FNDC3B: variants seen among roughly 807,000 people sequenced by gnomAD.
FNDC3B encodes fibronectin type III domain-containing protein 3B.
In FNDC3B, 12 loss-of-function variants were observed where a neutral mutation model predicts 151.5. That is an observed-to-expected ratio of 0.08 (90% CI 0.05 to 0.13). FNDC3B has a LOEUF of 0.13. Among genes scored for constraint, FNDC3B ranks in the 10% least tolerant of loss-of-function variants. The pLI is 1.00. For missense variants in FNDC3B, 1,214 were observed against 1,505.3 expected, an observed-to-expected ratio of 0.81 and a Z score of 3.20; for synonymous variants, 528 against 549.0, an observed-to-expected ratio of 0.96 and a Z score of 0.54.
chr3:172,260,043 T>C (rs1052808242), intron 6 of FNDC3B, among the ~76,000 whole-genome samples: 8 of 152,256 alleles, frequency 5.3e-5, no homozygotes, highest in Middle Eastern at 3.2e-3. Context: ...TAAACCCATG[T>C]TATTTTCTCT....
At chr3:172,237,271 G>A (rs1485580574) in intron 4 of FNDC3B, 1 of 152,250 alleles carries the variant, frequency 6.6e-6, no homozygotes, top group East Asian at 1.9e-4. Context: ...TCTCCCCTCA[G>A]TCTGTACCTT....
chr3:172,047,255 G>A (rs1227042106), intron 1 of FNDC3B, among the ~76,000 whole-genome samples: 1 of 152,110 alleles, frequency 6.6e-6, no homozygotes, highest in Non-Finnish European at 1.5e-5. Context: ...AAGATCCCAG[G>A]AAATATAATG....
At chr3:172,057,576 A>G (rs1334495657) in intron 1 of FNDC3B, among the ~76,000 whole-genome samples, 2 of 152,222 alleles carry the variant, frequency 1.3e-5, no homozygotes, top group Non-Finnish European at 2.9e-5. Context: ...TTTTCTAGAC[A>G]TAAACACAGT....
chr3:172,105,777 A>G (rs1208706018), intron 1 of FNDC3B, among the ~76,000 whole-genome samples: 1 of 152,062 alleles, frequency 6.6e-6, no homozygotes, highest in Non-Finnish European at 1.5e-5. Flanking sequence ...TCTCTGCTGT[A>G]TTTTCTGAAA....
At chr3:172,241,505 G>A (rs1727487354) in intron 4 of FNDC3B, among the ~76,000 whole-genome samples, 1 of 152,026 alleles carries the variant, frequency 6.6e-6, no homozygotes, top group African/African-American at 2.4e-5. Flanking sequence ...GGCTTGGGAT[G>A]CCTCACAATC....
intron 23 of FNDC3B, among the ~76,000 whole-genome samples, chr3:172,366,845 GA>G (rs1734647390): frequency 6.6e-6 from 1 of 152,210 alleles, no homozygotes; most frequent in East Asian, 1.9e-4. Flanking sequence ...GACTAGTGAT[GA>G]AGACTTGAGA....
intron 3 of FNDC3B, among the ~76,000 whole-genome samples, chr3:172,135,415 G>T (rs947611444): frequency 4.6e-5 from 7 of 152,180 alleles, no homozygotes; most frequent in Non-Finnish European, 8.8e-5. Flanking sequence ...CACAAAGGGA[G>T]CTTTGTATTT....
intron 3 of FNDC3B, among the ~76,000 whole-genome samples, chr3:172,160,218 CTCTGTTCATAGA>C (rs1722700657): frequency 6.6e-6 from 1 of 152,204 alleles, no homozygotes; most frequent in Non-Finnish European, 1.5e-5. Flanking sequence ...GAATAGGAAC[CTCTGTTCATAGA>C]CCTTTGCCTG....
At chr3:172,169,792 A>C (rs1559999039) in intron 3 of FNDC3B, among the ~76,000 whole-genome samples, 2 of 152,240 alleles carry the variant, frequency 1.3e-5, no homozygotes. Flanking sequence ...TCCCCATTCC[A>C]AAAGCTGACT....
At chr3:172,207,455 A>C (rs1465658012) in intron 3 of FNDC3B, among the ~76,000 whole-genome samples, 1 of 152,018 alleles carries the variant, frequency 6.6e-6, no homozygotes, top group African/African-American at 2.4e-5. Context: ...CTTGTGCTTC[A>C]CTCTGTGTTT....
intron 1 of FNDC3B, among the ~76,000 whole-genome samples, chr3:172,041,186 C>T (rs762920335): frequency 1.4e-4 from 21 of 152,158 alleles, no homozygotes; most frequent in Non-Finnish European, 2.5e-4. Context: ...CCCCCTCTTC[C>T]CTCCCAGGCT....
At position 172,134,840 on chromosome 3, in the gene FNDC3B, G is replaced by A. The variant is rs141641350; in HGVS notation, c.187+1294G>A. Among the ~76,000 whole-genome samples the A allele has an allele frequency of 3.4e-3, 517 of 152,078 alleles. 1 individual carries two copies. The highest frequency in any genetic ancestry group is 0.011 in the African/African-American group (471 of 41,502). On this transcript the variant is annotated intron_variant, in intron 3 of 25. Coordinates refer to ENST00000415807, the MANE Select transcript of FNDC3B (RefSeq NM_022763.4). ...TTAAAATCAAAACCTAGTCTTAGTC[G>A]ATGCACAATATGGGGAAACTTCAGG...
rs1228315279 is a variant in FNDC3B, at chr3:172,333,301, TA to T, written c.1641+128del. 9.0e-6 allele frequency: 6 copies of T among 668,848 alleles called. No individual in the cohort carries two copies. The East Asian group carries it at 1.6e-4, about 18-fold the overall frequency. The allele number at this position is 668,848 out of a possible 1,614,324, so 41.4% of individuals were successfully genotyped here. A position where few individuals can be genotyped will look rare whatever the true frequency, so the allele number is the denominator to read the frequency against. Reference sequence around the variant, plus strand: ...TTCACAGCACTTTACATTTTGAAAGTAACATTTATAAAGTGTACAACATGCT... The same window carrying T: ...TTCACAGCACTTTACATTTTGAAAGTACATTTATAAAGTGTACAACATGCT... On this transcript the variant is annotated intron_variant, in intron 14 of 25. Transcript: ENST00000415807.
At position 172,362,611 on chromosome 3, in the gene FNDC3B, A is replaced by G. The variant is rs760349394; in HGVS notation, c.2796-22A>G. Reference sequence around the variant, plus strand: ...TGCTGCTTTAACCTGCATTGTCTGTATTTTTTTTTTCCTTTCTCTAGGATC... The same window carrying G: ...TGCTGCTTTAACCTGCATTGTCTGTGTTTTTTTTTTCCTTTCTCTAGGATC... On this transcript the variant is annotated intron_variant, in intron 22 of 25. Transcript: ENST00000415807. 8.7e-5 allele frequency: 125 copies of G among 1,439,900 alleles called. 2 individuals are homozygous for G. In the South Asian group the frequency reaches 1.2e-3, roughly 14 times the overall value. 89.2% of individuals were successfully genotyped at this position (1,439,900 alleles called of 1,614,324 possible).
At chr3:172,322,370 T>C (rs535536865) in intron 11 of FNDC3B, among the ~76,000 whole-genome samples, 278 of 152,328 alleles carry the variant, frequency 1.8e-3, no homozygotes, top group Middle Eastern at 3.4e-3. Flanking sequence ...AGTTAGAAGC[T>C]GTAACACCTT....
At chr3:172,102,097 C>T (rs1455301888) in intron 1 of FNDC3B, among the ~76,000 whole-genome samples, 1 of 152,078 alleles carries the variant, frequency 6.6e-6, no homozygotes, top group African/African-American at 2.4e-5. Context: ...AAATTTTAGC[C>T]AGCTCTTCTA....
intron 6 of FNDC3B, among the ~76,000 whole-genome samples, chr3:172,259,898 C>T (rs1728560511): frequency 6.6e-6 from 1 of 152,200 alleles, no homozygotes; most frequent in African/African-American, 2.4e-5. Flanking sequence ...CTTGAAGCTT[C>T]ACATTTTTCA....
At chr3:172,197,585 A>G (rs1240830060) in intron 3 of FNDC3B, among the ~76,000 whole-genome samples, 3 of 152,232 alleles carry the variant, frequency 2.0e-5, no homozygotes, top group Non-Finnish European at 4.4e-5. Flanking sequence ...TCAGAATTAT[A>G]TGTGTCCTTT....
At chr3:172,093,196 C>T (rs1205886526) in intron 1 of FNDC3B, among the ~76,000 whole-genome samples, 1 of 151,328 alleles carries the variant, frequency 6.6e-6, no homozygotes, top group Non-Finnish European at 1.5e-5. Context: ...CTTACTACCC[C>T]TTAAACTCCT....
Sources: gnomAD v4.1 joint callset for allele counts (sites outside exome capture counted in the v4.1 genomes callset) on GRCh38, gnomAD v4.1.1 for gene constraint, MANE v1.5 for transcripts, NCBI Gene and HGNC (gene_info 2026-07-23, HGNC 2026-07-21) for gene names.